The following DAPK1 variants were observed in gnomAD, a reference collection of about 807,000 sequenced individuals.
DAPK1 encodes death-associated protein kinase 1.
In DAPK1, 56 loss-of-function variants were observed where a neutral mutation model predicts 144.9. That is an observed-to-expected ratio of 0.39 (90% CI 0.31 to 0.48). The LOEUF (loss-of-function observed/expected upper bound fraction) is 0.48. DAPK1 is among the 20% of genes least tolerant of loss of function. The pLI, the probability that DAPK1 is intolerant of heterozygous loss-of-function variation, is 0.95. For missense variants in DAPK1, 1,454 were observed against 1,875.4 expected, an observed-to-expected ratio of 0.78 and a Z score of 4.15; for synonymous variants, 690 against 749.0, an observed-to-expected ratio of 0.92 and a Z score of 1.29.
Position 87,658,056 on chromosome 9 carries a change from G to A in DAPK1, c.1852G>A (p.Ala618Thr). 6.6e-7 allele frequency: 1 copy of A among 1,526,170 alleles called. No homozygotes were observed. Among genetic ancestry groups the A allele is most frequent in the Non-Finnish European group, 9.1e-7 (1 of 1,100,534 alleles). The allele number at this position is 1,526,170 out of a possible 1,614,324, so 94.5% of individuals were successfully genotyped here. A position where few individuals can be genotyped will look rare whatever the true frequency, so the allele number is the denominator to read the frequency against. ...TGGGCGAACGCCTCTGCACCTTGCG[G>A]CCAACAACGGAATCCTAGACGTGGT... ...KYGRTPLHLA[A>T]NNGILDVVRY... The change falls in exon 18 of 26, where the codon GCC becomes ACC. Residue 618 changes from alanine (A) to threonine (T), a missense_variant. Coordinates refer to ENST00000408954, the MANE Select transcript of DAPK1 (RefSeq NM_004938.4).
intron 2 of DAPK1, among the ~76,000 whole-genome samples, chr9:87,564,227 A>T (rs7869510): frequency 0.05 from 7,554 of 152,162 alleles, 578 homozygotes; most frequent in African/African-American, 0.17. Flanking sequence ...GCCCTGACTC[A>T]GATCCTGGCA....
At chr9:87,593,917 C>G (rs1343129727) in intron 2 of DAPK1, among the ~76,000 whole-genome samples, 1 of 152,190 alleles carries the variant, frequency 6.6e-6, no homozygotes, top group East Asian at 1.9e-4. Context: ...AGTGATCAAA[C>G]ATGGAGCTGA....
intron 2 of DAPK1, among the ~76,000 whole-genome samples, chr9:87,503,168 A>G (rs578155170): frequency 6.6e-6 from 1 of 152,282 alleles, no homozygotes; most frequent in East Asian, 1.9e-4. Flanking sequence ...TCTAGTCTAC[A>G]GGTAGATATG....
chr9:87,515,616 G>A (rs756984197), intron 2 of DAPK1, among the ~76,000 whole-genome samples: 11 of 152,124 alleles, frequency 7.2e-5, no homozygotes, highest in African/African-American at 9.7e-5. Flanking sequence ...CTGCAAGTGA[G>A]GTCACAAGTG....
chr9:87,702,767 CAGT>C (rs1409736708), intron 24 of DAPK1, among the ~76,000 whole-genome samples: 1 of 152,116 alleles, frequency 6.6e-6, no homozygotes, highest in Non-Finnish European at 1.5e-5. Context: ...TAGCCAGACA[CAGT>C]GGTGTGTACT....
chr9:87,598,310 G>A (rs1192361399), intron 2 of DAPK1, among the ~76,000 whole-genome samples: 1 of 152,202 alleles, frequency 6.6e-6, no homozygotes, highest in East Asian at 1.9e-4. Flanking sequence ...CTTGGGAGGA[G>A]CGTAAAGATG....
intron 2 of DAPK1, among the ~76,000 whole-genome samples, chr9:87,581,285 A>T (rs530461456): frequency 1.8e-4 from 27 of 152,280 alleles, no homozygotes; most frequent in Non-Finnish European, 3.2e-4. Flanking sequence ...AGGAACAAGG[A>T]CTAGCAATGA....
chr9:87,666,016 G>A (rs1037287134), intron 18 of DAPK1, among the ~76,000 whole-genome samples: 15 of 152,192 alleles, frequency 9.9e-5, no homozygotes, highest in African/African-American at 2.9e-4. Context: ...TGCAGCCTCC[G>A]TCGGGGTGTC....
chr9:87,634,258 C>T (rs1829808130), intron 3 of DAPK1, among the ~76,000 whole-genome samples: 1 of 152,198 alleles, frequency 6.6e-6, no homozygotes, highest in Non-Finnish European at 1.5e-5. Context: ...GTTTGGCAGG[C>T]CCTGTTATGT....
intron 25 of DAPK1, among the ~76,000 whole-genome samples, chr9:87,704,510 T>A (rs1259975321): frequency 6.6e-6 from 1 of 152,196 alleles, no homozygotes; most frequent in Non-Finnish European, 1.5e-5. Context: ...GTATCTAATT[T>A]GCAGATCTTC....
At chr9:87,610,123 T>C (rs552509620) in intron 3 of DAPK1, among the ~76,000 whole-genome samples, 11 of 152,234 alleles carry the variant, frequency 7.2e-5, no homozygotes, top group Admixed American at 2.0e-4. Context: ...TTTACCATTT[T>C]TGCAAGCCTG....
intron 2 of DAPK1, among the ~76,000 whole-genome samples, chr9:87,508,413 G>T (rs1300592063): frequency 2.0e-5 from 3 of 150,746 alleles, no homozygotes; most frequent in African/African-American, 7.3e-5. Context: ...CGCGATTTCG[G>T]CTCACTGCAA....
chr9:87,595,203 C>A (rs1269611790), intron 2 of DAPK1, among the ~76,000 whole-genome samples: 1 of 152,216 alleles, frequency 6.6e-6, no homozygotes, highest in Non-Finnish European at 1.5e-5. Context: ...TTGTGGTTAA[C>A]AGCAACCCCA....
intron 3 of DAPK1, among the ~76,000 whole-genome samples, chr9:87,615,923 AG>A (rs1829079604): frequency 6.6e-6 from 1 of 152,248 alleles, no homozygotes; most frequent in African/African-American, 2.4e-5. Context: ...GATTCTGCTA[AG>A]CCACTGTAGG....
intron 2 of DAPK1, among the ~76,000 whole-genome samples, chr9:87,585,852 C>T (rs1388935966): frequency 1.3e-5 from 2 of 152,180 alleles, no homozygotes; most frequent in Non-Finnish European, 1.5e-5. Flanking sequence ...TTCAAACACT[C>T]AGAAAAGGGC....
At chr9:87,625,943 G>A (rs997555243) in intron 3 of DAPK1, among the ~76,000 whole-genome samples, 3 of 152,166 alleles carry the variant, frequency 2.0e-5, no homozygotes, top group Admixed American at 2.0e-4. Flanking sequence ...GTCAATTAAA[G>A]TTAATGACTA....
chr9:87,627,955 T>C (rs1389836802), intron 3 of DAPK1, among the ~76,000 whole-genome samples: 1 of 152,204 alleles, frequency 6.6e-6, no homozygotes, highest in Non-Finnish European at 1.5e-5. Flanking sequence ...AATATCCCAT[T>C]TTCTGGACAT....
chr9:87,586,871 A>G (rs949092720), intron 2 of DAPK1, among the ~76,000 whole-genome samples: 5 of 152,240 alleles, frequency 3.3e-5, no homozygotes, highest in African/African-American at 1.2e-4. Flanking sequence ...AAAAACCTCT[A>G]AGTAACATTG....
At chr9:87,694,166 C>T (rs899181920) in intron 21 of DAPK1, among the ~76,000 whole-genome samples, 1 of 152,144 alleles carries the variant, frequency 6.6e-6, no homozygotes, top group Non-Finnish European at 1.5e-5. Context: ...ATGAGACAGC[C>T]CTCTGGCTCC....
Sources: allele counts gnomAD v4.1 joint callset (sites outside exome capture counted in the v4.1 genomes callset), GRCh38; gene constraint gnomAD v4.1.1; transcripts MANE v1.5; gene names NCBI Gene and HGNC (gene_info 2026-07-23, HGNC 2026-07-21).